ARID2: variants seen among roughly 807,000 people sequenced by gnomAD.
ARID2 encodes the protein AT-rich interaction domain 2.
In ARID2, 32 loss-of-function variants were observed where a neutral mutation model predicts 184.6. The ratio of observed to expected loss-of-function variants is 0.17; its 90% CI spans 0.13 to 0.23. ARID2 has a LOEUF of 0.23. ARID2 is among the 10% of genes least tolerant of loss of function. The pLI is 1.00. For missense variants in ARID2, 1,696 were observed against 2,197.6 expected, an observed-to-expected ratio of 0.77 and a Z score of 4.56; for synonymous variants, 836 against 772.6, an observed-to-expected ratio of 1.08 and a Z score of -1.36.
chr12:45,751,962 T>C (rs1054563681), intron 3 of ARID2, among the ~76,000 whole-genome samples: 4 of 152,218 alleles, frequency 2.6e-5, no homozygotes, highest in African/African-American at 9.7e-5. Context: ...GCTCTTGAGA[T>C]GGTAAAAAGT....
At chr12:45,765,268 C>T (rs1374757305) in intron 3 of ARID2, among the ~76,000 whole-genome samples, 5 of 151,994 alleles carry the variant, frequency 3.3e-5, no homozygotes, top group Non-Finnish European at 7.4e-5. Flanking sequence ...AGTGCAGTGG[C>T]ACAATCTTGG....
At chr12:45,732,346 G>C (rs977618769) in intron 3 of ARID2, among the ~76,000 whole-genome samples, 1 of 152,150 alleles carries the variant, frequency 6.6e-6, no homozygotes, top group Admixed American at 6.5e-5. Context: ...TTCTGAAATA[G>C]GAAATGCAGT....
intron 6 of ARID2, among the ~76,000 whole-genome samples, chr12:45,833,055 C>T (rs1227216022): frequency 1.3e-5 from 2 of 152,018 alleles, no homozygotes; most frequent in Non-Finnish European, 2.9e-5. Context: ...TATTTTTAGA[C>T]CTTTTTTGTT....
chr12:45,751,874 C>G (rs1359222728), intron 3 of ARID2, among the ~76,000 whole-genome samples: 1 of 152,162 alleles, frequency 6.6e-6, no homozygotes, highest in Non-Finnish European at 1.5e-5. Flanking sequence ...TATATATGGT[C>G]ATTGACCTAA....
At chr12:45,896,836 T>C (rs1170661611) in intron 20 of ARID2, among the ~76,000 whole-genome samples, 1 of 152,142 alleles carries the variant, frequency 6.6e-6, no homozygotes, top group Admixed American at 6.5e-5. Context: ...AGTTCTAAAT[T>C]TGGGGATGTT....
At chr12:45,765,803 C>G (rs1418571903) in intron 3 of ARID2, among the ~76,000 whole-genome samples, 1 of 152,120 alleles carries the variant, frequency 6.6e-6, no homozygotes, top group African/African-American at 2.4e-5. Flanking sequence ...ACATATTCAT[C>G]ACCCTCAAAA....
chr12:45,787,218 C>CT (rs1273672108), intron 3 of ARID2, among the ~76,000 whole-genome samples: 3,343 of 136,726 alleles, frequency 0.024, 58 homozygotes, highest in Non-Finnish European at 0.037. Context: ...TATTTCTTTT[C>CT]TTTTTTTTTT....
rs545077280 is a variant in ARID2 at position 45,794,927 on chromosome 12, C to G, written c.285-16491C>G. Among the ~76,000 whole-genome samples the G allele has an allele frequency of 1.8e-4, 27 of 152,144 alleles. 1 individual carries two copies. In the South Asian group the frequency reaches 5.6e-3, roughly 32 times the overall value. On this transcript the variant is annotated intron_variant, in intron 3 of 20. Transcript: ENST00000334344. ...CTTAGCATGGTAATACTTTATGCCC[C>G]CAGCCCCCTCAGGTTTCCAGGGCAC...
At chr12:45,735,543 C>T (rs1308282338) in intron 3 of ARID2, among the ~76,000 whole-genome samples, 3 of 151,384 alleles carry the variant, frequency 2.0e-5, no homozygotes, top group Non-Finnish European at 4.4e-5. Flanking sequence ...TTCCAAAGTG[C>T]TGGGATACAA....
chr12:45,883,209 A>AT (rs1023356495), intron 16 of ARID2, among the ~76,000 whole-genome samples: 10 of 152,036 alleles, frequency 6.6e-5, no homozygotes, highest in Non-Finnish European at 1.2e-4. Flanking sequence ...GCCATAAATA[A>AT]TTTTTTTAAC....
At chr12:45,899,694 G>GTTATATATATATATGGTT (rs1944426844) in intron 20 of ARID2, among the ~76,000 whole-genome samples, 1 of 98,606 alleles carries the variant, frequency 1.0e-5, no homozygotes, top group African/African-American at 4.4e-5. Context: ...TATATATATG[G>GTTATATATATATATGGTT]TTATATATAT....
At chr12:45,761,046 T>C (rs934288432) in intron 3 of ARID2, among the ~76,000 whole-genome samples, 14 of 152,164 alleles carry the variant, frequency 9.2e-5, no homozygotes, top group African/African-American at 3.4e-4. Context: ...GTTTTACACT[T>C]AAACTGAGAA....
intron 11 of ARID2, among the ~76,000 whole-genome samples, chr12:45,846,397 C>T (rs561391834): frequency 1.2e-3 from 184 of 152,206 alleles, no homozygotes; most frequent in African/African-American, 4.2e-3. Context: ...ATTTCAGCTG[C>T]GTTCTGCTTC....
chr12:45,769,124 T>A (rs1011916936), intron 3 of ARID2, among the ~76,000 whole-genome samples: 10 of 152,168 alleles, frequency 6.6e-5, no homozygotes, highest in Admixed American at 3.3e-4. Flanking sequence ...AAATGGTCAG[T>A]TCCCAACAAA....
At chr12:45,766,154 T>C (rs998193741) in intron 3 of ARID2, among the ~76,000 whole-genome samples, 1 of 152,116 alleles carries the variant, frequency 6.6e-6, no homozygotes, top group African/African-American at 2.4e-5. Context: ...ATATTGGATA[T>C]GTTAGGCATA....
chr12:45,869,825 G>A (rs1361890782), intron 16 of ARID2, among the ~76,000 whole-genome samples: 1 of 152,080 alleles, frequency 6.6e-6, no homozygotes, highest in Non-Finnish European at 1.5e-5. Context: ...GGAGGTTGCA[G>A]TGAGCTGAGA....
At chr12:45,855,943 G>T (rs968237613) in intron 15 of ARID2, among the ~76,000 whole-genome samples, 1 of 151,936 alleles carries the variant, frequency 6.6e-6, no homozygotes, top group African/African-American at 2.4e-5. Flanking sequence ...GCCCAGGCTG[G>T]TCTTAAACTC....
Position 45,839,326 on chromosome 12 carries a change from T to C in ARID2, c.1331-3T>C, listed in dbSNP as rs765202468. 6.3e-7 allele frequency: 1 copy of C among 1,599,424 alleles called. No individual in the cohort carries two copies. The highest frequency in any genetic ancestry group is 1.8e-5 in the Admixed American group (1 of 55,862). Reference sequence around the variant, plus strand: ...AATAACTATTGCTTTTTATTTATTTTAGACATGTTAGTGTGTCTGGTTTCT... The same window carrying C: ...AATAACTATTGCTTTTTATTTATTTCAGACATGTTAGTGTGTCTGGTTTCT... On this transcript the variant is annotated splice_polypyrimidine_tract_variant and splice_region_variant and intron_variant, in intron 10 of 20. Coordinates refer to ENST00000334344, the MANE Select transcript of ARID2 (RefSeq NM_152641.4).
At chr12:45,815,622 T>C (rs1002766634) in intron 4 of ARID2, among the ~76,000 whole-genome samples, 2 of 151,830 alleles carry the variant, frequency 1.3e-5, no homozygotes, top group African/African-American at 4.9e-5. Flanking sequence ...TGTGTGTGTG[T>C]TTTTAACTTT....
Sources: gnomAD v4.1 joint callset for allele counts (sites outside exome capture counted in the v4.1 genomes callset) on GRCh38, gnomAD v4.1.1 for gene constraint, MANE v1.5 for transcripts, NCBI Gene and HGNC (gene_info 2026-07-23, HGNC 2026-07-21) for gene names.